The following HSPA4 variants were observed in gnomAD, a reference collection of about 807,000 sequenced individuals.
HSPA4 encodes heat shock 70 kDa protein 4.
In HSPA4, 25 loss-of-function variants were observed where a neutral mutation model predicts 106.2. The observed-to-expected ratio is 0.24, with a 90% CI of 0.17 to 0.33. HSPA4 has a LOEUF of 0.33. Among genes scored for constraint, HSPA4 ranks in the 10% least tolerant of loss-of-function variants. The pLI, the probability that HSPA4 is intolerant of heterozygous loss-of-function variation, is 1.00. For synonymous variants in HSPA4, 332 were observed against 333.6 expected, an observed-to-expected ratio of 1.00 and a Z score of 0.05; for missense variants, 841 against 996.0, an observed-to-expected ratio of 0.84 and a Z score of 2.10.
intron 16 of HSPA4, among the ~76,000 whole-genome samples, chr5:133,100,124 C>T (rs939489229): frequency 2.0e-5 from 3 of 151,766 alleles, no homozygotes; most frequent in African/African-American, 4.8e-5. Flanking sequence ...AGTGCAGTGG[C>T]GCAGTCTCGG....
intron 1 of HSPA4, among the ~76,000 whole-genome samples, chr5:133,057,019 C>A (rs1010017988): frequency 2.6e-5 from 4 of 151,964 alleles, no homozygotes; most frequent in Admixed American, 2.6e-4. Context: ...AAGATGAAAT[C>A]TATGGAAGTT....
chr5:133,091,305 A>C lies in HSPA4; in HGVS notation c.1491A>C (p.Leu497Phe), dbSNP rs775127483. ...HGIFSVSSAS[L>F]VEVHKSEENE... is the part of the protein sequence containing the mutation. ...TTTTCAGTGTGTCCAGTGCATCTTT[A>C]GTGGAGGTTCACAAGTCTGAGGAAA... is the stretch of plus-strand genomic sequence containing the variant. The change falls in exon 12 of 19, where the codon TTA becomes TTC. Residue 497 changes from leucine to phenylalanine, a missense_variant. Physicochemically the swap from Leu to Phe is conservative, Grantham distance 22. Coordinates refer to ENST00000304858, the MANE Select transcript of HSPA4 (RefSeq NM_002154.4). 5 of 1,614,062 alleles carry C rather than the reference A, an allele frequency of 3.1e-6. No homozygotes were observed. The highest frequency in any genetic ancestry group is 4.2e-6 in the Non-Finnish European group (5 of 1,179,906).
At chr5:133,054,137 A>G (rs1018125721) in intron 1 of HSPA4, among the ~76,000 whole-genome samples, 1 of 152,140 alleles carries the variant, frequency 6.6e-6, no homozygotes. Context: ...CCCAGAAGCC[A>G]AAACGGTAGT....
At chr5:133,073,891 CAT>C (rs1356831106) in intron 5 of HSPA4, 100 bp from the exon 6 acceptor site, 4 of 640,286 alleles carry the variant, frequency 6.2e-6, no homozygotes, top group Non-Finnish European at 1.0e-5. Context: ...AAACATAACA[CAT>C]GTAGTTGCAT....
chr5:133,088,906 T>A (rs962719673), intron 9 of HSPA4, 149 bp from the exon 10 acceptor site: 2 of 500,524 alleles, frequency 4.0e-6, no homozygotes, highest in African/African-American at 3.8e-5. Context: ...GATAGAAGTT[T>A]GTAAAACTGT....
chr5:133,081,089 C>A (rs1364428386), intron 7 of HSPA4, among the ~76,000 whole-genome samples: 2 of 152,190 alleles, frequency 1.3e-5, no homozygotes, highest in Admixed American at 1.3e-4. Context: ...AGTAGGTCAC[C>A]CAGGCTGGAG....
intron 13 of HSPA4, among the ~76,000 whole-genome samples, chr5:133,095,772 A>G (rs1252128364): frequency 2.6e-5 from 4 of 152,170 alleles, no homozygotes; most frequent in African/African-American, 9.7e-5. Context: ...TGTTAAGTAG[A>G]TAGACATTGT....
intron 2 of HSPA4, among the ~76,000 whole-genome samples, chr5:133,066,609 G>A (rs1015482893): frequency 4.0e-5 from 6 of 151,676 alleles, no homozygotes; most frequent in African/African-American, 1.5e-4. Context: ...CTGTTTCTAG[G>A]CGTCTGCTAC....
chr5:133,101,658 A>T, intron 16 of HSPA4, 101 bp from the exon 17 acceptor site: 1 of 1,097,764 alleles, frequency 9.1e-7, no homozygotes, highest in Non-Finnish European at 1.3e-6. Context: ...CTTCTTATAT[A>T]TAGCACACGG....
chr5:133,086,690 G>T (rs1432041815), intron 7 of HSPA4, 92 bp from the exon 8 acceptor site: 1 of 859,896 alleles, frequency 1.2e-6, no homozygotes, highest in Non-Finnish European at 1.9e-6. Context: ...AGCACTTGTT[G>T]TTACCTGTTT....
At chr5:133,082,815 T>A (rs1430513898) in intron 7 of HSPA4, among the ~76,000 whole-genome samples, 1 of 152,032 alleles carries the variant, frequency 6.6e-6, no homozygotes, top group Non-Finnish European at 1.5e-5. Flanking sequence ...TATATTGCAA[T>A]AAAACTTTTT....
chr5:133,071,402 C>A (rs1365130019), intron 4 of HSPA4, among the ~76,000 whole-genome samples: 1 of 151,820 alleles, frequency 6.6e-6, no homozygotes, highest in Non-Finnish European at 1.5e-5. Flanking sequence ...GAGCTGTGAT[C>A]ACACCACTGC....
intron 3 of HSPA4, among the ~76,000 whole-genome samples, chr5:133,068,561 T>C (rs977295823): frequency 9.2e-5 from 14 of 152,206 alleles, no homozygotes; most frequent in African/African-American, 2.9e-4. Flanking sequence ...AAAGGTAGTC[T>C]GCTGTTGCAG....
At chr5:133,091,505 G>A in intron 12 of HSPA4, 131 bp downstream of exon 12, 2 of 622,242 alleles carry the variant, frequency 3.2e-6, no homozygotes, top group Non-Finnish European at 5.6e-6. Flanking sequence ...TTGTATGTTT[G>A]CCCTTCCCCC....
At chr5:133,076,613 G>T (rs1765448882) in intron 6 of HSPA4, 41 bp from the exon 7 acceptor site, 1 of 1,569,084 alleles carries the variant, frequency 6.4e-7, no homozygotes, top group South Asian at 1.1e-5. Flanking sequence ...TTTCAAAATC[G>T]ATTGGTTAAT....
At chr5:133,063,299 T>TA (rs1765268054) in intron 1 of HSPA4, among the ~76,000 whole-genome samples, 1 of 150,102 alleles carries the variant, frequency 6.7e-6, no homozygotes, top group Non-Finnish European at 1.5e-5. Context: ...ATTTTTTTTT[T>TA]ATAGAGACAG....
chr5:133,102,681 A>G (rs1765802938), intron 17 of HSPA4, among the ~76,000 whole-genome samples: 1 of 152,052 alleles, frequency 6.6e-6, no homozygotes, highest in Non-Finnish European at 1.5e-5. Context: ...TTCTTGACAT[A>G]TTGTTAGTGT....
intron 15 of HSPA4, among the ~76,000 whole-genome samples, chr5:133,097,703 C>T (rs966148506): frequency 1.3e-5 from 2 of 151,576 alleles, no homozygotes; most frequent in Non-Finnish European, 2.9e-5. Context: ...CATGTGCCAC[C>T]AAGCCTGGCT....
chr5:133,089,881 T>C (rs1000120054), intron 11 of HSPA4, among the ~76,000 whole-genome samples, 186 bp downstream of exon 11: 1 of 152,154 alleles, frequency 6.6e-6, no homozygotes. Context: ...GCTTATCTAC[T>C]TGGAGAGTTC....
Sources: allele counts gnomAD v4.1 joint callset (sites outside exome capture counted in the v4.1 genomes callset), GRCh38; gene constraint gnomAD v4.1.1; transcripts MANE v1.5; gene names NCBI Gene and HGNC (gene_info 2026-07-23, HGNC 2026-07-21).